Variants in CNTNAP2 observed in about 807,000 individuals in gnomAD.
The protein encoded by CNTNAP2 is contactin-associated protein-like 2.
CNTNAP2 carries 98 observed loss-of-function variants against 155.2 expected under a neutral mutation model. The ratio of observed to expected loss-of-function variants is 0.63; its 90% confidence interval spans 0.54 to 0.75. CNTNAP2 has a LOEUF of 0.75. CNTNAP2 is among the 30% of genes least tolerant of loss of function. The pLI is 0.00. For synonymous variants in CNTNAP2, 651 were observed against 631.2 expected, an observed-to-expected ratio of 1.03 and a Z score of -0.47; for missense variants, 1,727 against 1,688.1, an observed-to-expected ratio of 1.02 and a Z score of -0.40.
intron 1 of CNTNAP2, among the ~76,000 whole-genome samples, chr7:146,758,247 G>C (rs1361950732): frequency 6.6e-6 from 1 of 152,064 alleles, no homozygotes; most frequent in African/African-American, 2.4e-5. Flanking sequence ...CTGTACCTTT[G>C]CTTGTTTCTG....
At chr7:147,603,595 T>A (rs1801000914) in intron 12 of CNTNAP2, among the ~76,000 whole-genome samples, 1 of 152,156 alleles carries the variant, frequency 6.6e-6, no homozygotes, top group African/African-American at 2.4e-5. Context: ...TGGAAGAACA[T>A]TCCATGCTCA....
At chr7:146,761,284 T>TGGAAGGAAGGAA (rs369635102) in intron 1 of CNTNAP2, among the ~76,000 whole-genome samples, 305 of 144,658 alleles carry the variant, frequency 2.1e-3, no homozygotes, top group African/African-American at 3.8e-3. Context: ...TCATAATTGC[T>TGGAAGGAAGGAA]GGAAGGAAGG....
chr7:147,104,545 C>T (rs895046324), intron 4 of CNTNAP2, among the ~76,000 whole-genome samples: 2 of 151,036 alleles, frequency 1.3e-5, no homozygotes, highest in African/African-American at 2.4e-5. Context: ...TTGTTTCTTT[C>T]GGATCCCCTA....
intron 1 of CNTNAP2, among the ~76,000 whole-genome samples, chr7:146,723,945 T>C (rs189272699): frequency 6.6e-6 from 1 of 152,190 alleles, no homozygotes; most frequent in East Asian, 1.9e-4. Flanking sequence ...GGCTTTTTTG[T>C]TTTGTTTTGT....
At chr7:147,052,159 AAT>A (rs1320713526) in intron 4 of CNTNAP2, among the ~76,000 whole-genome samples, 1 of 152,172 alleles carries the variant, frequency 6.6e-6, no homozygotes, top group Non-Finnish European at 1.5e-5. Flanking sequence ...GAATTTCCAC[AAT>A]GAGTCATGTG....
intron 14 of CNTNAP2, among the ~76,000 whole-genome samples, chr7:147,970,562 C>CA (rs764218415): frequency 7.9e-5 from 12 of 151,408 alleles, no homozygotes; most frequent in Non-Finnish European, 1.6e-4. Flanking sequence ...CATTTAAAAA[C>CA]AAAAAAAGAT....
At chr7:148,085,406 TTTA>T (rs1231640166) in intron 15 of CNTNAP2, among the ~76,000 whole-genome samples, 1 of 152,210 alleles carries the variant, frequency 6.6e-6, no homozygotes, top group Non-Finnish European at 1.5e-5. Context: ...AAAATAGTTT[TTTA>T]TTCTCACAAG....
chr7:146,928,614 G>A (rs1367046316), intron 3 of CNTNAP2, among the ~76,000 whole-genome samples: 3 of 152,182 alleles, frequency 2.0e-5, no homozygotes, highest in Non-Finnish European at 4.4e-5. Context: ...CACCGTGCAC[G>A]AGCCGAAGCA....
At chr7:146,734,772 T>C (rs1801583256) in intron 1 of CNTNAP2, among the ~76,000 whole-genome samples, 1 of 152,216 alleles carries the variant, frequency 6.6e-6, no homozygotes, top group South Asian at 2.1e-4. Context: ...ACTCTGCCAT[T>C]ACTTAATGAT....
chr7:148,099,217 A>T (rs1402038846), intron 15 of CNTNAP2, among the ~76,000 whole-genome samples: 2 of 152,204 alleles, frequency 1.3e-5, no homozygotes, highest in African/African-American at 4.8e-5. Flanking sequence ...TTGAGTGAGA[A>T]TTAATTGAGA....
At chr7:148,068,955 C>T (rs2116525825) in intron 15 of CNTNAP2, among the ~76,000 whole-genome samples, 1 of 152,234 alleles carries the variant, frequency 6.6e-6, no homozygotes, top group Middle Eastern at 3.4e-3. Context: ...TCTGAAGACC[C>T]TAGACTACCA....
intron 3 of CNTNAP2, among the ~76,000 whole-genome samples, chr7:146,956,928 A>T (rs1445761707): frequency 6.6e-6 from 1 of 152,138 alleles, no homozygotes; most frequent in Non-Finnish European, 1.5e-5. Context: ...ATTAAAATAA[A>T]ATATGTACAG....
chr7:148,000,239 G>T (rs1801873001), intron 15 of CNTNAP2, among the ~76,000 whole-genome samples: 2 of 152,192 alleles, frequency 1.3e-5, no homozygotes, highest in Non-Finnish European at 2.9e-5. Context: ...CTCTGTAGGA[G>T]AAGCAAGCTC....
At chr7:148,155,492 G>C (rs1321860457) in intron 17 of CNTNAP2, among the ~76,000 whole-genome samples, 1 of 152,134 alleles carries the variant, frequency 6.6e-6, no homozygotes, top group Non-Finnish European at 1.5e-5. Context: ...TAGGGTGTCT[G>C]TGTTTGCTGA....
chr7:146,930,293 T>A (rs902182858), intron 3 of CNTNAP2, among the ~76,000 whole-genome samples: 1 of 152,062 alleles, frequency 6.6e-6, no homozygotes, highest in Non-Finnish European at 1.5e-5. Flanking sequence ...GCAACATTCA[T>A]AAAGAAAAGA....
At chr7:148,273,354 C>T (rs1305555706) in intron 21 of CNTNAP2, among the ~76,000 whole-genome samples, 1 of 152,116 alleles carries the variant, frequency 6.6e-6, no homozygotes, top group African/African-American at 2.4e-5. Flanking sequence ...TGATATAAAA[C>T]ACTGTTATGA....
At chr7:146,173,377 T>C (rs1341213887) in intron 1 of CNTNAP2, among the ~76,000 whole-genome samples, 1 of 152,202 alleles carries the variant, frequency 6.6e-6, no homozygotes, top group Non-Finnish European at 1.5e-5. Context: ...TTTTCCAGTT[T>C]GTTTGCTGTA....
intron 20 of CNTNAP2, among the ~76,000 whole-genome samples, chr7:148,266,264 C>T (rs188578185): frequency 3.5e-4 from 54 of 152,194 alleles, no homozygotes; most frequent in Admixed American, 6.5e-4. Context: ...CAAAAAAGGC[C>T]CAGAAAGCTC....
intron 1 of CNTNAP2, among the ~76,000 whole-genome samples, chr7:146,365,767 G>T (rs749251452): frequency 3.3e-5 from 5 of 152,088 alleles, no homozygotes; most frequent in Non-Finnish European, 7.4e-5. Flanking sequence ...AGAGCCTGGG[G>T]CAAATATTTT....
Sources: gnomAD v4.1 joint callset for allele counts (sites outside exome capture counted in the v4.1 genomes callset) on GRCh38, gnomAD v4.1.1 for gene constraint, MANE v1.5 for transcripts, NCBI Gene and HGNC (gene_info 2026-07-23, HGNC 2026-07-21) for gene names.